RIMS1: variants seen among roughly 807,000 people sequenced by gnomAD.
RIMS1 encodes the protein regulating synaptic membrane exocytosis 1.
Under a neutral mutation model 214.1 loss-of-function variants are expected in RIMS1, and 83 were observed. The ratio of observed to expected loss-of-function variants is 0.39; its 90% CI spans 0.32 to 0.47. The LOEUF (loss-of-function observed/expected upper bound fraction) is 0.47, where lower values mean the gene tolerates loss of function less well. RIMS1 is among the 20% of genes least tolerant of loss of function. The pLI, the probability that RIMS1 is intolerant of heterozygous loss-of-function variation, is 0.99. For missense variants in RIMS1, 2,050 were observed against 2,161.8 expected, an observed-to-expected ratio of 0.95 and a Z score of 1.03; for synonymous variants, 793 against 786.8, an observed-to-expected ratio of 1.01 and a Z score of -0.13.
At chr6:72,205,739 C>T (rs1433417657) in intron 6 of RIMS1, among the ~76,000 whole-genome samples, 1 of 151,992 alleles carries the variant, frequency 6.6e-6, no homozygotes, top group African/African-American at 2.4e-5. Context: ...ATAATAAATA[C>T]TTTATGATAG....
intron 2 of RIMS1, among the ~76,000 whole-genome samples, chr6:72,027,243 C>G (rs1246567320): frequency 6.6e-6 from 1 of 152,112 alleles, no homozygotes; most frequent in Non-Finnish European, 1.5e-5. Flanking sequence ...AACCCGGAAC[C>G]TGAGCCCAGG....
intron 4 of RIMS1, among the ~76,000 whole-genome samples, chr6:72,103,707 CTA>C (rs1008793029): frequency 2.6e-5 from 4 of 152,188 alleles, no homozygotes; most frequent in African/African-American, 7.2e-5. Flanking sequence ...CATGAAAACT[CTA>C]TGTTTGTCCT....
chr6:72,230,578 C>T lies in RIMS1; in HGVS notation c.1679-3195C>T, dbSNP rs969611446. ...TGATCGATCTTATTGAAATCCATTG[C>T]GCTTTAACACTAGACATCATGATAC... On this transcript the variant is annotated intron_variant, in intron 6 of 33. Transcript: ENST00000521978. 4.6e-5 allele frequency among the ~76,000 whole-genome samples: 7 copies of T among 151,436 alleles called. No individual in the cohort carries two copies. The South Asian group carries it at 6.3e-4, about 14-fold the overall frequency.
intron 4 of RIMS1, among the ~76,000 whole-genome samples, chr6:72,145,539 G>A (rs1329532019): frequency 6.6e-6 from 1 of 152,136 alleles, no homozygotes; most frequent in Non-Finnish European, 1.5e-5. Context: ...TTGAACCTGG[G>A]AGGCAGAGGT....
At chr6:72,096,079 G>A (rs1217312875) in intron 2 of RIMS1, among the ~76,000 whole-genome samples, 1 of 152,200 alleles carries the variant, frequency 6.6e-6, no homozygotes, top group Non-Finnish European at 1.5e-5. Context: ...ATGTCGATGG[G>A]AGGAGACTTT....
chr6:72,262,897 T>A (rs921718852), intron 19 of RIMS1: 17 of 522,146 alleles, frequency 3.3e-5, no homozygotes, highest in Non-Finnish European at 4.2e-5. Flanking sequence ...ATTTATTTAA[T>A]AACAAGCACA....
At chr6:71,981,786 T>TC (rs1798546845) in intron 2 of RIMS1, among the ~76,000 whole-genome samples, 1 of 151,304 alleles carries the variant, frequency 6.6e-6, no homozygotes, top group African/African-American at 2.4e-5. Flanking sequence ...CCTTAGTTTA[T>TC]TTTTTTTTAA....
rs1018015812 is a variant in RIMS1, at chr6:72,183,054, T to A, written c.1583T>A (p.Met528Lys). The stretch of plus-strand genomic sequence containing the variant: ...AAGAGAGGCGGCAAGAAGCGGCAGA[T>A]GTCGGTGAGCAGCTCTGAGGAGGAG... ...RSKRGGKKRQ[M>K]SVSSSEEEGV... is the part of the protein sequence containing the mutation. The change falls in exon 6 of 34, where the codon ATG becomes AAG. Residue 528 changes from methionine (M) to lysine (K), a missense_variant. Physicochemically the swap from Met to Lys is moderately conservative, Grantham distance 95 (BLOSUM62 -1). Around this residue, in one of 6 missense-constraint regions of RIMS1, gnomAD observed 882 missense variants for 828.9 expected, o/e 1.06. Transcript: ENST00000521978. 1.3e-6 allele frequency: 2 copies of A among 1,597,508 alleles called. No individual in the cohort carries two copies. Among genetic ancestry groups the A allele is most frequent in the African/African-American group, 2.7e-5 (2 of 74,682 alleles).
intron 1 of RIMS1, among the ~76,000 whole-genome samples, chr6:71,898,961 A>G: frequency 6.6e-6 from 1 of 152,054 alleles, no homozygotes; most frequent in East Asian, 1.9e-4. Flanking sequence ...TCTCTTTGAG[A>G]TACTATTTGT....
chr6:72,059,192 A>C (rs755454284), intron 2 of RIMS1, among the ~76,000 whole-genome samples: 1 of 152,230 alleles, frequency 6.6e-6, no homozygotes, highest in Admixed American at 6.5e-5. Flanking sequence ...TCATGAATTC[A>C]TATAACTATG....
intron 2 of RIMS1, among the ~76,000 whole-genome samples, chr6:72,010,981 T>A (rs950176877): frequency 1.1e-4 from 16 of 152,078 alleles, no homozygotes; most frequent in Non-Finnish European, 4.4e-5. Flanking sequence ...AAAACTACTT[T>A]AAAGTTCATA....
chr6:71,985,838 G>GAC (rs150610946), intron 2 of RIMS1, among the ~76,000 whole-genome samples: 24 of 151,840 alleles, frequency 1.6e-4, no homozygotes, highest in East Asian at 7.7e-4. Flanking sequence ...TATATGTATG[G>GAC]ACACACACAC....
rs2059485361 is a variant in RIMS1, at chr6:72,224,187, C to T, written c.1679-9586C>T. 1.3e-5 allele frequency among the ~76,000 whole-genome samples: 2 copies of T among 152,118 alleles called. 1 individual carries two copies. Among genetic ancestry groups the T allele is most frequent in the South Asian group, 4.1e-4 (2 of 4,826 alleles). ...GGTGCAGTGAGGGGAGAGGGACTGT[C>T]TAGAAATATAGTGTGTTCCAGGTGC... On this transcript the variant is annotated intron_variant, in intron 6 of 33. Coordinates refer to ENST00000521978, the MANE Select transcript of RIMS1 (RefSeq NM_014989.7).
intron 4 of RIMS1, among the ~76,000 whole-genome samples, chr6:72,110,652 G>A (rs1249903057): frequency 1.3e-5 from 2 of 150,368 alleles, no homozygotes; most frequent in African/African-American, 4.9e-5. Flanking sequence ...CTGCAAACAG[G>A]GACAATTTGA....
chr6:72,022,385 T>C (rs1814977922), intron 2 of RIMS1, among the ~76,000 whole-genome samples: 1 of 152,168 alleles, frequency 6.6e-6, no homozygotes, highest in Admixed American at 6.6e-5. Flanking sequence ...TTTGCCAAAT[T>C]ATTACATGTA....
intron 5 of RIMS1, 150 bp from the exon 6 acceptor site, chr6:72,182,134 C>T (rs2048489618): frequency 2.6e-6 from 2 of 766,036 alleles, no homozygotes; most frequent in East Asian, 5.6e-5. Context: ...TTGTAAAATT[C>T]CAACACCCTT....
intron 1 of RIMS1, among the ~76,000 whole-genome samples, chr6:71,941,405 C>T (rs1235973419): frequency 6.6e-6 from 1 of 152,184 alleles, no homozygotes; most frequent in Non-Finnish European, 1.5e-5. Context: ...TGCCTTTTTA[C>T]ATAGAAGTGT....
intron 1 of RIMS1, among the ~76,000 whole-genome samples, chr6:71,951,545 C>T (rs1438026369): frequency 4.1e-5 from 6 of 147,584 alleles, no homozygotes; most frequent in Admixed American, 2.1e-4. Flanking sequence ...GGCAGGAGTG[C>T]AGTGATGCAG....
intron 2 of RIMS1, among the ~76,000 whole-genome samples, chr6:72,064,331 A>AAGAG (rs56373385): frequency 3.0e-4 from 41 of 137,088 alleles, no homozygotes; most frequent in East Asian, 1.0e-3. Flanking sequence ...GAAAGAAAGA[A>AAGAG]AGAGAGAGAG....
Sources: allele counts gnomAD v4.1 joint callset (sites outside exome capture counted in the v4.1 genomes callset), GRCh38; gene constraint gnomAD v4.1.1; regional missense constraint gnomAD v4.1.1; transcripts MANE v1.5; gene names NCBI Gene and HGNC (gene_info 2026-07-23, HGNC 2026-07-21).